Variants in EIF4G3 observed in about 807,000 individuals in gnomAD.
The protein encoded by EIF4G3 is eIF-4-gamma 3.
In EIF4G3, 34 loss-of-function variants were observed where a neutral mutation model predicts 186.4. That is an observed-to-expected ratio of 0.18 (90% CI 0.14 to 0.24). EIF4G3 has a LOEUF of 0.24. Among genes scored for constraint, EIF4G3 ranks in the 10% least tolerant of loss-of-function variants. The pLI is 1.00. For synonymous variants in EIF4G3, 673 were observed against 679.5 expected, an observed-to-expected ratio of 0.99 and a Z score of 0.15; for missense variants, 1,536 against 1,948.5, an observed-to-expected ratio of 0.79 and a Z score of 3.99.
At chr1:20,962,707 T>C (rs1291310004) in intron 12 of EIF4G3, among the ~76,000 whole-genome samples, 2 of 152,118 alleles carry the variant, frequency 1.3e-5, no homozygotes, top group African/African-American at 4.8e-5. Context: ...AGAAATTACT[T>C]TTTACTATGA....
At chr1:20,849,779 T>C (rs1329887662) in intron 28 of EIF4G3, among the ~76,000 whole-genome samples, 1 of 152,220 alleles carries the variant, frequency 6.6e-6, no homozygotes, top group Admixed American at 6.5e-5. Flanking sequence ...TTTTTGTTCC[T>C]TTCTGTATTA....
intron 3 of EIF4G3, among the ~76,000 whole-genome samples, chr1:21,072,395 T>A (rs574793319): frequency 1.2e-4 from 18 of 151,938 alleles, no homozygotes; most frequent in East Asian, 1.2e-3. Context: ...TTAATTTTTT[T>A]ATTTTATTTA....
intron 2 of EIF4G3, among the ~76,000 whole-genome samples, chr1:21,098,908 A>G (rs2096452860): frequency 6.6e-6 from 1 of 152,198 alleles, no homozygotes; most frequent in Admixed American, 6.5e-5. Flanking sequence ...AAGTGCTGGG[A>G]TTATAGGCAC....
At chr1:20,873,297 C>A (rs544160463) in intron 20 of EIF4G3, among the ~76,000 whole-genome samples, 10 of 152,046 alleles carry the variant, frequency 6.6e-5, no homozygotes, top group Non-Finnish European at 2.9e-5. Context: ...ATTTTTCTTT[C>A]CTGTATAAAA....
intron 19 of EIF4G3, among the ~76,000 whole-genome samples, chr1:20,881,506 G>A (rs1163867185): frequency 3.9e-5 from 6 of 152,164 alleles, no homozygotes; most frequent in Non-Finnish European, 8.8e-5. Context: ...TTAAAAACAG[G>A]CTAGGTATGG....
chr1:20,877,784 T>C (rs1430961716), intron 20 of EIF4G3, among the ~76,000 whole-genome samples: 1 of 152,226 alleles, frequency 6.6e-6, no homozygotes, highest in Admixed American at 6.5e-5. Context: ...AAGAGATCAG[T>C]AACTATTCTA....
intron 4 of EIF4G3, among the ~76,000 whole-genome samples, chr1:21,046,050 C>T (rs2093867780): frequency 6.6e-6 from 1 of 152,158 alleles, no homozygotes; most frequent in African/African-American, 2.4e-5. Context: ...TAGAGAGTCT[C>T]TTCTCCTGAC....
intron 3 of EIF4G3, among the ~76,000 whole-genome samples, chr1:21,060,402 C>A (rs1186755205): frequency 6.6e-6 from 1 of 152,154 alleles, no homozygotes; most frequent in Non-Finnish European, 1.5e-5. Flanking sequence ...CTGAATTAAT[C>A]AAGAGACAAA....
At chr1:21,058,468 CAG>C (rs2154578247) in intron 3 of EIF4G3, among the ~76,000 whole-genome samples, 1 of 152,206 alleles carries the variant, frequency 6.6e-6, no homozygotes, top group South Asian at 2.1e-4. Context: ...CACAGGCAGC[CAG>C]AGTGTGGACA....
Position 20,971,616 on chromosome 1 carries a change from CA to C in EIF4G3, c.591+1385del, listed in dbSNP as rs558603323. The stretch of plus-strand genomic sequence containing the variant: ...CTAATGATAAAAACAAGTTTTAAAC[CA>C]AAGTCTTGAACCTCACTATTATTTT... On this transcript the variant is annotated intron_variant, in intron 11 of 36. Transcript: ENST00000602326. Among the ~76,000 whole-genome samples the C allele has an allele frequency of 2.0e-3, 309 of 152,210 alleles. 2 individuals are homozygous for C. Among genetic ancestry groups the C allele is most frequent in the African/African-American group, 6.9e-3 (287 of 41,528 alleles).
intron 2 of EIF4G3, chr1:21,169,805 G>T (rs991970728): frequency 6.6e-6 from 1 of 152,190 alleles, no homozygotes. Context: ...TGCTGTAAGT[G>T]AGTTGTGATG....
chr1:21,010,432 AAAAAAG>A (rs1276963131), intron 4 of EIF4G3, among the ~76,000 whole-genome samples: 2 of 141,380 alleles, frequency 1.4e-5, no homozygotes, highest in South Asian at 4.4e-4. Context: ...AAAAAAAAAA[AAAAAAG>A]AAAAAGAAAA....
chr1:20,874,952 G>A (rs547782559), intron 20 of EIF4G3, among the ~76,000 whole-genome samples: 1 of 152,216 alleles, frequency 6.6e-6, no homozygotes, highest in South Asian at 2.1e-4. Flanking sequence ...ATCAACTACA[G>A]TGTCAGAAGT....
In EIF4G3 at chr1:21,002,691, G is replaced by T. The variant is rs777521829; in HGVS notation, c.30+22C>A. 1.9e-6 allele frequency: 3 copies of T among 1,611,862 alleles called. No individual in the cohort carries two copies. In the East Asian group the frequency reaches 6.7e-5, roughly 36 times the overall value. ...AAACACAGGTAGAGAATGTAATTTGGTTCAAGCTTCTGCTTACTTACCGGA... is the reference window on the plus strand; with the variant it reads ...AAACACAGGTAGAGAATGTAATTTGTTTCAAGCTTCTGCTTACTTACCGGA... On this transcript the variant is annotated intron_variant, in intron 5 of 36. Coordinates refer to ENST00000602326, the MANE Select transcript of EIF4G3 (RefSeq NM_001391906.1).
chr1:20,822,938 GGGAATT>G (rs1364159597), intron 33 of EIF4G3, among the ~76,000 whole-genome samples: 1 of 152,096 alleles, frequency 6.6e-6, no homozygotes, highest in Non-Finnish European at 1.5e-5. Flanking sequence ...CAGCTGCACA[GGGAATT>G]CTACATTTAC....
At chr1:21,073,997 T>C (rs191476122) in intron 3 of EIF4G3, among the ~76,000 whole-genome samples, 2 of 152,288 alleles carry the variant, frequency 1.3e-5, no homozygotes, top group Admixed American at 1.3e-4. Context: ...TTTTCATTAT[T>C]TTTTACTTTC....
At position 20,849,527 on chromosome 1, in the gene EIF4G3, T is replaced by G. The variant is rs890792882; in HGVS notation, c.3776A>C (p.Lys1259Thr). 1 of 1,522,874 alleles carries G rather than the reference T, an allele frequency of 6.6e-7. No individual in the cohort carries two copies. The highest frequency in any genetic ancestry group is 1.4e-5 in the African/African-American group (1 of 70,446). 94.3% of individuals were successfully genotyped at this position (1,522,874 alleles called of 1,614,324 possible). The change falls in exon 29 of 37, where the codon AAA becomes ACA. Residue 1259 changes from lysine to threonine, a missense_variant. Around this residue, in one of 11 missense-constraint regions of EIF4G3, gnomAD observed 395 missense variants for 498.9 expected, o/e 0.79. Transcript: ENST00000602326. ...AGCTGACATTGCTGAAATTTCTGGT[T>G]TTGCTATTAGTGAGGCCCCCCAAAA... The part of the protein sequence containing the change: ...AERNKTRESA[K>T]PEISAMSAHD...
intron 2 of EIF4G3, among the ~76,000 whole-genome samples, chr1:21,139,056 C>T (rs2097295660): frequency 6.6e-6 from 1 of 152,004 alleles, no homozygotes; most frequent in Non-Finnish European, 1.5e-5. Context: ...AACTTAGTTT[C>T]TAACTTTGAC....
intron 32 of EIF4G3, among the ~76,000 whole-genome samples, chr1:20,826,418 C>T (rs557122105): frequency 2.7e-5 from 4 of 150,482 alleles, no homozygotes; most frequent in East Asian, 2.0e-4. Flanking sequence ...CCACCCGCCT[C>T]GGCCTCCCAA....
Sources: gnomAD v4.1 joint callset for allele counts (sites outside exome capture counted in the v4.1 genomes callset) on GRCh38, gnomAD v4.1.1 for gene constraint, gnomAD v4.1.1 regional missense constraint, MANE v1.5 for transcripts, NCBI Gene and HGNC (gene_info 2026-07-23, HGNC 2026-07-21) for gene names.